The following MAGI3 variants were observed in gnomAD, a reference collection of about 807,000 sequenced individuals.
MAGI3 encodes the protein membrane associated guanylate kinase, WW and PDZ domain containing 3.
Under a neutral mutation model 121.8 loss-of-function variants are expected in MAGI3, and 43 were observed. The ratio of observed to expected loss-of-function variants is 0.35; its 90% confidence interval spans 0.28 to 0.46. The LOEUF is 0.46. Ranked by LOEUF, MAGI3 falls within the 20% of genes least tolerant of loss-of-function variation. MAGI3 has a pLI of 1.00. For missense variants in MAGI3, 1,547 were observed against 1,797.3 expected, an observed-to-expected ratio of 0.86 and a Z score of 2.52; for synonymous variants, 553 against 639.3, an observed-to-expected ratio of 0.86 and a Z score of 2.04.
At chr1:113,563,204 C>G (rs1002082030) in intron 2 of MAGI3, among the ~76,000 whole-genome samples, 1 of 152,002 alleles carries the variant, frequency 6.6e-6, no homozygotes, top group Non-Finnish European at 1.5e-5. Context: ...AAACAAAAAC[C>G]AATTAATTTT....
intron 1 of MAGI3, among the ~76,000 whole-genome samples, chr1:113,460,740 C>T (rs1049701988): frequency 9.2e-5 from 14 of 151,482 alleles, no homozygotes; most frequent in East Asian, 5.8e-4. Flanking sequence ...ATCCAGGAGG[C>T]GGAGCTTGCA....
At chr1:113,616,325 A>G (rs1352196195) in intron 7 of MAGI3, among the ~76,000 whole-genome samples, 1 of 152,228 alleles carries the variant, frequency 6.6e-6, no homozygotes, top group African/African-American at 2.4e-5. Context: ...ACTGTACTCA[A>G]GATGCACATT....
intron 20 of MAGI3, chr1:113,682,656 T>G: frequency 6.1e-6 from 6 of 977,270 alleles, no homozygotes; most frequent in Non-Finnish European, 7.3e-6. Context: ...ACTAATTATA[T>G]GTAATTGGAA....
intron 1 of MAGI3, among the ~76,000 whole-genome samples, chr1:113,505,375 T>TATTAA (rs1282523966): frequency 9.9e-5 from 15 of 152,230 alleles, no homozygotes; most frequent in African/African-American, 3.4e-4. Context: ...CTGTTTTAAC[T>TATTAA]AGCTCAAATA....
intron 1 of MAGI3, among the ~76,000 whole-genome samples, chr1:113,521,157 G>T (rs905764259): frequency 1.3e-5 from 2 of 151,034 alleles, no homozygotes; most frequent in Non-Finnish European, 1.5e-5. Flanking sequence ...CTCAATCTCG[G>T]CTCACTGCAA....
intron 1 of MAGI3, among the ~76,000 whole-genome samples, chr1:113,549,297 A>G (rs12035089): frequency 1.3e-5 from 2 of 152,290 alleles, no homozygotes; most frequent in East Asian, 3.9e-4. Flanking sequence ...CTCCCTTACC[A>G]TGTAAAATTA....
At chr1:113,536,718 A>AT (rs1247187076) in intron 1 of MAGI3, among the ~76,000 whole-genome samples, 2 of 151,508 alleles carry the variant, frequency 1.3e-5, no homozygotes, top group African/African-American at 2.4e-5. Flanking sequence ...GTACTTTGTG[A>AT]TTTTTCAGAA....
chr1:113,462,499 G>A (rs1223792249), intron 1 of MAGI3, among the ~76,000 whole-genome samples: 1 of 152,134 alleles, frequency 6.6e-6, no homozygotes, highest in Non-Finnish European at 1.5e-5. Context: ...ACAAGTGGGA[G>A]CTAAATGATA....
intron 6 of MAGI3, among the ~76,000 whole-genome samples, chr1:113,608,776 T>C (rs1649944050): frequency 6.6e-6 from 1 of 152,156 alleles, no homozygotes; most frequent in African/African-American, 2.4e-5. Flanking sequence ...TCTAAGGAAT[T>C]TGAAGAATTG....
chr1:113,421,331 A>T (rs1331400097), intron 1 of MAGI3, among the ~76,000 whole-genome samples: 2 of 152,228 alleles, frequency 1.3e-5, no homozygotes, highest in African/African-American at 4.8e-5. Context: ...TGAAAAAGAG[A>T]TAGTCCCATT....
intron 1 of MAGI3, among the ~76,000 whole-genome samples, chr1:113,528,545 T>C (rs1658558983): frequency 6.6e-6 from 1 of 152,170 alleles, no homozygotes; most frequent in African/African-American, 2.4e-5. Context: ...ATAATAAGTT[T>C]GATCTTTTCT....
At chr1:113,543,705 C>T (rs927240989) in intron 1 of MAGI3, among the ~76,000 whole-genome samples, 2 of 151,678 alleles carry the variant, frequency 1.3e-5, no homozygotes, top group Non-Finnish European at 2.9e-5. Context: ...CTGTCTCTAC[C>T]AAAAATACAA....
chr1:113,636,796 T>A (rs1652057758), intron 9 of MAGI3, among the ~76,000 whole-genome samples: 1 of 151,894 alleles, frequency 6.6e-6, no homozygotes, highest in African/African-American at 2.4e-5. Flanking sequence ...TGACTTTCTG[T>A]CTCGTTGATC....
At chr1:113,681,477 A>G (rs1418502020) in intron 20 of MAGI3, 141 bp downstream of exon 20, 3 of 864,012 alleles carry the variant, frequency 3.5e-6, no homozygotes, top group East Asian at 5.4e-5. Flanking sequence ...AGCTAGTTAC[A>G]TAGCAGAGTT....
rs1557892367 is a variant in MAGI3, at chr1:113,683,762, T to C, written c.4194T>C (p.Asp1398=). The C allele has an allele frequency of 1.9e-6, 3 of 1,603,994 alleles. No homozygotes were observed. The highest frequency in any genetic ancestry group is 4.5e-5 in the East Asian group (2 of 44,702). Residue 1398 remains aspartate, a synonymous_variant, in exon 21 of 21, where the codon GAT becomes GAC. Transcript: ENST00000307546. ...CAGGAGAAACAAGTTCTAGTAACGA[T>C]AAAATAGGAGAAAATGTCCAGCTAT... ...VTTGETSSSN[D]KIGENVQLSE...
intron 9 of MAGI3, among the ~76,000 whole-genome samples, chr1:113,636,300 G>A (rs1028296401): frequency 6.6e-6 from 1 of 152,012 alleles, no homozygotes; most frequent in African/African-American, 2.4e-5. Flanking sequence ...TGCTTTTCTA[G>A]TTCTTTTAAT....
chr1:113,559,429 A>G (rs1383100575), intron 2 of MAGI3, among the ~76,000 whole-genome samples: 14 of 152,262 alleles, frequency 9.2e-5, no homozygotes, highest in Non-Finnish European at 2.9e-5. Flanking sequence ...AGACTTTAAA[A>G]TAGACTTTAA....
chr1:113,413,320 C>T (rs10776769), intron 1 of MAGI3, among the ~76,000 whole-genome samples: 143,828 of 151,714 alleles, frequency 0.95, 68,213 homozygotes, highest in East Asian at 0.99. Flanking sequence ...GTGATGCCTC[C>T]AGCTTTGTTC....
At chr1:113,530,679 C>T (rs775169824) in intron 1 of MAGI3, among the ~76,000 whole-genome samples, 15 of 151,878 alleles carry the variant, frequency 9.9e-5, no homozygotes, top group South Asian at 6.3e-4. Context: ...CCAGCACTTT[C>T]GGAGGCTGAG....
Sources: gnomAD v4.1 joint callset for allele counts (sites outside exome capture counted in the v4.1 genomes callset) on GRCh38, gnomAD v4.1.1 for gene constraint, MANE v1.5 for transcripts, NCBI Gene and HGNC (gene_info 2026-07-23, HGNC 2026-07-21) for gene names.